Variants in UBP1 observed in about 807,000 individuals in gnomAD.
UBP1 encodes upstream-binding protein 1.
In UBP1, 22 loss-of-function variants were observed where a neutral mutation model predicts 76.1. The ratio of observed to expected loss-of-function variants is 0.29; its 90% CI spans 0.21 to 0.41. The LOEUF is 0.41. Among genes scored for constraint, UBP1 ranks in the 10% least tolerant of loss-of-function variants. The pLI is 1.00. For synonymous variants in UBP1, 224 were observed against 237.1 expected (o/e 0.94, Z 0.51); for missense variants, 436 against 668.1 (o/e 0.65, Z 3.83).
chr3:33,412,186 C>CAAAAAAA (rs1227146812), intron 4 of UBP1, among the ~76,000 whole-genome samples: 1 of 63,446 alleles, frequency 1.6e-5, no homozygotes, highest in Non-Finnish European at 3.2e-5. Context: ...AACTCCGTCT[C>CAAAAAAA]AAAAAAAAAA....
chr3:33,390,599 G>A (rs6783672), intron 15 of UBP1: 179,456 of 567,826 alleles, frequency 0.32, 30,277 homozygotes, highest in East Asian at 0.44. Context: ...ATCAACGCCC[G>A]CATTCCAACA....
chr3:33,392,488 C>G, intron 15 of UBP1, 75 bp downstream of exon 15: 1 of 1,244,506 alleles, frequency 8.0e-7, no homozygotes, highest in Non-Finnish European at 1.1e-6. Context: ...AGAATAAACA[C>G]GAGAGGCACT....
At chr3:33,394,170 C>A (rs1008424125) in intron 13 of UBP1, among the ~76,000 whole-genome samples, 1 of 149,200 alleles carries the variant, frequency 6.7e-6, no homozygotes. Context: ...TGGGGGCACA[C>A]GCCACCATGC....
chr3:33,400,159 A>G, intron 11 of UBP1, 30 bp downstream of exon 11: 2 of 1,378,328 alleles, frequency 1.5e-6, no homozygotes. Flanking sequence ...AAACATTCTC[A>G]TGCACAGATA....
At position 33,400,877 on chromosome 3, in the gene UBP1, C is replaced by T; in HGVS notation, c.1086+85G>A. 2.3e-6 allele frequency: 3 copies of T among 1,314,766 alleles called. No individual in the cohort carries two copies. The South Asian group carries it at 4.0e-5, about 18-fold the overall frequency. The allele number at this position is 1,314,766 out of a possible 1,614,324, so 81.4% of individuals were successfully genotyped here. ...CCATACATGTAACAAAACTTCTCAC[C>T]TACTCCATACATTTGCACAAAAACC... On this transcript the variant is annotated intron_variant, in intron 10 of 15. Coordinates refer to ENST00000283629, the MANE Select transcript of UBP1 (RefSeq NM_014517.5).
At chr3:33,408,325 TACTAAAGAAA>T (rs1356064219) in intron 8 of UBP1, among the ~76,000 whole-genome samples, 3 of 152,142 alleles carry the variant, frequency 2.0e-5, no homozygotes, top group Non-Finnish European at 4.4e-5. Flanking sequence ...ATAGCTAATT[TACTAAAGAAA>T]GTATTTTCAA....
intron 8 of UBP1, among the ~76,000 whole-genome samples, chr3:33,404,535 T>A (rs1297990746): frequency 6.6e-6 from 1 of 151,066 alleles, no homozygotes; most frequent in African/African-American, 2.4e-5. Flanking sequence ...TAGTCACAGC[T>A]ACTTGGGAGT....
intron 12 of UBP1, 55 bp from the exon 13 acceptor site, chr3:33,396,335 G>T: frequency 7.7e-7 from 1 of 1,299,536 alleles, no homozygotes; most frequent in Non-Finnish European, 1.1e-6. Context: ...CCTTACACAT[G>T]TACAAATATG....
At chr3:33,394,341 C>T (rs1266247206) in intron 13 of UBP1, among the ~76,000 whole-genome samples, 1 of 151,986 alleles carries the variant, frequency 6.6e-6, no homozygotes, top group African/African-American at 2.4e-5. Flanking sequence ...CCAGCACGCC[C>T]AGTTAAGCAT....
chr3:33,411,895 T>A (rs1279276800), intron 4 of UBP1, among the ~76,000 whole-genome samples: 2 of 151,574 alleles, frequency 1.3e-5, no homozygotes, highest in East Asian at 1.9e-4. Context: ...TCATTTTTTT[T>A]AAGAATATGA....
chr3:33,411,303 G>T (rs1458122443), intron 5 of UBP1, among the ~76,000 whole-genome samples: 2 of 152,088 alleles, frequency 1.3e-5, no homozygotes, highest in Non-Finnish European at 2.9e-5. Context: ...GTGTTCAAGA[G>T]AAATACATCT....
chr3:33,404,968 A>G (rs1256691711), intron 8 of UBP1, among the ~76,000 whole-genome samples: 3 of 152,222 alleles, frequency 2.0e-5, no homozygotes, highest in Non-Finnish European at 4.4e-5. Flanking sequence ...TACATGTAAT[A>G]AATATTCATC....
intron 1 of UBP1, among the ~76,000 whole-genome samples, chr3:33,435,281 A>G (rs2045187201): frequency 6.6e-6 from 1 of 152,234 alleles, no homozygotes; most frequent in African/African-American, 2.4e-5. Flanking sequence ...CTAAGGAAAA[A>G]AAACAGAAAT....
intron 1 of UBP1, among the ~76,000 whole-genome samples, chr3:33,431,526 AG>A (rs2045112094): frequency 6.6e-6 from 1 of 151,984 alleles, no homozygotes; most frequent in Non-Finnish European, 1.5e-5. Flanking sequence ...TCATTACATC[AG>A]GAGTTCAAGA....
chr3:33,403,572 GTC>G (rs1319589081), intron 8 of UBP1: 2 of 140,842 alleles, frequency 1.4e-5, no homozygotes, highest in Non-Finnish European at 3.1e-5. Context: ...CTGTCTGTCT[GTC>G]TGTCTGTCTG....
At chr3:33,423,036 A>T (rs2044940388) in intron 2 of UBP1, among the ~76,000 whole-genome samples, 1 of 138,992 alleles carries the variant, frequency 7.2e-6, no homozygotes, top group African/African-American at 2.8e-5. Context: ...ATTACTCAAA[A>T]AAAAGTTTGT....
At chr3:33,394,429 C>T (rs965968717) in intron 13 of UBP1, among the ~76,000 whole-genome samples, 1 of 151,962 alleles carries the variant, frequency 6.6e-6, no homozygotes, top group African/African-American at 2.4e-5. Context: ...GCCCCTCCCC[C>T]ACAAAAAATT....
At chr3:33,433,075 T>C (rs1421040954) in intron 1 of UBP1, among the ~76,000 whole-genome samples, 1 of 151,932 alleles carries the variant, frequency 6.6e-6, no homozygotes, top group Non-Finnish European at 1.5e-5. Flanking sequence ...TTTGTTTTTT[T>C]TTTGAGACGG....
rs201907760 is a variant in UBP1, at chr3:33,423,048, T to TG, written c.265+2541_265+2542insC. 5.9e-5 allele frequency among the ~76,000 whole-genome samples: 9 copies of TG among 151,364 alleles called. No homozygotes were observed. The South Asian group carries it at 6.2e-4, about 11-fold the overall frequency. On this transcript the variant is annotated intron_variant, in intron 2 of 15. Coordinates refer to ENST00000283629, the MANE Select transcript of UBP1 (RefSeq NM_014517.5). ...AAAATTACTCAAAAAAAAGTTTGTT[T>TG]TTTTTTTTTTTGAGACAGAGTCTCG...
Sources: gnomAD v4.1 joint callset for allele counts (sites outside exome capture counted in the v4.1 genomes callset) on GRCh38, gnomAD v4.1.1 for gene constraint, MANE v1.5 for transcripts, NCBI Gene and HGNC (gene_info 2026-07-23, HGNC 2026-07-21) for gene names.